The following RAB11FIP3 variants were observed in gnomAD, a reference collection of about 807,000 sequenced individuals.
RAB11FIP3 encodes the protein rab11 family-interacting protein 3.
RAB11FIP3 carries 17 observed loss-of-function variants against 77.8 expected under a neutral mutation model. That is an observed-to-expected ratio of 0.22 (90% confidence interval 0.15 to 0.33). The LOEUF is 0.33. Among genes scored for constraint, RAB11FIP3 ranks in the 10% least tolerant of loss-of-function variants. The pLI is 1.00. For missense variants in RAB11FIP3, 1,005 were observed against 1,011.2 expected (o/e 0.99, Z 0.08); for synonymous variants, 437 against 448.2 (o/e 0.98, Z 0.31).
intron 3 of RAB11FIP3, among the ~76,000 whole-genome samples, chr16:479,797 G>T (rs1483957457): frequency 6.7e-6 from 1 of 150,122 alleles, no homozygotes; most frequent in Non-Finnish European, 1.5e-5. Context: ...TTTTACCTGT[G>T]GTCTCAGCTA....
Position 472,414 on chromosome 16 carries a change from C to T in RAB11FIP3, c.903+1025C>T, listed in dbSNP as rs748778075. On this transcript the variant is annotated intron_variant, in intron 3 of 13. Coordinates refer to ENST00000262305, the MANE Select transcript of RAB11FIP3 (RefSeq NM_014700.4). The surrounding 1 kb of genome is among the most constrained non-coding windows in gnomAD (Gnocchi z 4.1). ...TTGGCCTTGGTGTGCTCTTTCTGCACGTGAGGCAGCAGTGAGGTGCTGGCT... is the reference window on the plus strand; with the variant it reads ...TTGGCCTTGGTGTGCTCTTTCTGCATGTGAGGCAGCAGTGAGGTGCTGGCT... Among the ~76,000 whole-genome samples, 2 of 152,188 alleles carry T rather than the reference C, an allele frequency of 1.3e-5. No individual in the cohort carries two copies. The highest frequency in any genetic ancestry group is 1.5e-5 in the Non-Finnish European group (1 of 68,024).
intron 5 of RAB11FIP3, chr16:491,288 C>T: frequency 7.7e-7 from 1 of 1,300,920 alleles, no homozygotes; most frequent in South Asian, 1.2e-5. Context: ...CAGCGCCTGG[C>T]CTTGCTGTCT....
rs552389992 is a variant in RAB11FIP3, at chr16:498,796, C to T, written c.1301+1937C>T. On this transcript the variant is annotated intron_variant, in intron 6 of 13. Transcript: ENST00000262305. ...TTGGAATTACAGGCAGGAGCCACCG[C>T]GTCCCACTTGTTTTCCATTTTCTGT... Among the ~76,000 whole-genome samples the T allele has an allele frequency of 1.9e-4, 29 of 152,088 alleles. No homozygotes were observed. The South Asian group carries it at 4.4e-3, about 23-fold the overall frequency.
chr16:471,347 C>G lies in RAB11FIP3; in HGVS notation c.861C>G (p.Pro287=). The G allele has an allele frequency of 6.2e-7, 1 of 1,613,966 alleles. No homozygotes were observed. Among genetic ancestry groups the G allele is most frequent in the Non-Finnish European group, 8.5e-7 (1 of 1,179,914 alleles). ...TCGCTTCTGCCCAAGATGAGGAGCC[C>G]CTGGCCTGCCCGGACGAGTTCGATG... is the stretch of plus-strand genomic sequence containing the variant. ...GGVASAQDEE[P]LACPDEFDDF... is the part of the protein sequence containing the mutation. The change falls in exon 3 of 14, where the codon CCC becomes CCG. Residue 287 remains proline, a synonymous_variant. Coordinates refer to ENST00000262305, the MANE Select transcript of RAB11FIP3 (RefSeq NM_014700.4). This position sits in a 1 kb window ranked among gnomAD's most constrained non-coding sequence, Gnocchi z 4.4.
rs1035677280 is a variant in RAB11FIP3 at position 472,241 on chromosome 16, C to T, written c.903+852C>T. 6.6e-6 allele frequency among the ~76,000 whole-genome samples: 1 copy of T among 152,206 alleles called. No individual in the cohort carries two copies. The highest frequency in any genetic ancestry group is 2.4e-5 in the African/African-American group (1 of 41,464). ...CTCAGTTCCCTGTTCCGAGAAGCTG[C>T]CCCAGGGATTAGTCACCCTCACCCT... On this transcript the variant is annotated intron_variant, in intron 3 of 13. Coordinates refer to ENST00000262305, the MANE Select transcript of RAB11FIP3 (RefSeq NM_014700.4). This position sits in a 1 kb window ranked among gnomAD's most constrained non-coding sequence, Gnocchi z 4.1.
In RAB11FIP3 at chr16:505,398, G is replaced by C. The variant is rs968761922; in HGVS notation, c.1396-126G>C. ...ATGGGACAAGTTGGATCCAACACCA[G>C]CCTAGCTAGGTGGATCTGATTCTGT... On this transcript the variant is annotated intron_variant, in intron 7 of 13. Coordinates refer to ENST00000262305, the MANE Select transcript of RAB11FIP3 (RefSeq NM_014700.4). This position sits in a 1 kb window ranked among gnomAD's most constrained non-coding sequence, Gnocchi z 4.0. 2 of 697,256 alleles carry C rather than the reference G, an allele frequency of 2.9e-6. No individual in the cohort carries two copies. Among genetic ancestry groups the C allele is most frequent in the African/African-American group, 1.8e-5 (1 of 55,706 alleles). The allele number at this position is 697,256 out of a possible 1,614,324, so 43.2% of individuals were successfully genotyped here.
At chr16:445,689 G>A (rs2055304348) in intron 1 of RAB11FIP3, among the ~76,000 whole-genome samples, 1 of 151,952 alleles carries the variant, frequency 6.6e-6, no homozygotes, top group Middle Eastern at 3.2e-3. Flanking sequence ...GCTCCACTGT[G>A]GAGAGAAAGG....
chr16:487,565 C>T (rs2056182309), intron 4 of RAB11FIP3, among the ~76,000 whole-genome samples: 1 of 152,190 alleles, frequency 6.6e-6, no homozygotes, highest in Non-Finnish European at 1.5e-5. Context: ...AGCGCGCGGT[C>T]CTCCTGACTC....
intron 1 of RAB11FIP3, among the ~76,000 whole-genome samples, chr16:438,798 T>C (rs958424340): frequency 1.3e-5 from 2 of 151,916 alleles, no homozygotes; most frequent in East Asian, 1.9e-4. Flanking sequence ...CAAGTGATTC[T>C]CCTGTCTTAG....
chr16:508,220 C>T (rs1284640933), intron 8 of RAB11FIP3, among the ~76,000 whole-genome samples: 1 of 152,204 alleles, frequency 6.6e-6, no homozygotes, highest in Non-Finnish European at 1.5e-5. Flanking sequence ...AATGTGAAGA[C>T]CTCTGACCCG....
chr16:510,666 C>T lies in RAB11FIP3; in HGVS notation c.1506C>T (p.Asn502=), dbSNP rs1313273312. The T allele has an allele frequency of 4.4e-6, 7 of 1,604,894 alleles. No homozygotes were observed. The highest frequency in any genetic ancestry group is 1.3e-5 in the African/African-American group (1 of 74,822). Residue 502 remains asparagine, a synonymous_variant, in exon 9 of 14, where the codon AAC becomes AAT. Transcript: ENST00000262305. The part of the protein sequence containing the change: ...QENLQLVHRA[N]ALEEQLKEQE... Reference sequence around the variant, plus strand: ...CCTCCCTTTGCCTTTCAAGAGCAAACGCCCTGGAGGAGCAGCTGAAGGAGC... The same window carrying T: ...CCTCCCTTTGCCTTTCAAGAGCAAATGCCCTGGAGGAGCAGCTGAAGGAGC...
rs1463678286 is a variant in RAB11FIP3, at chr16:461,595, C to G, written c.808+98C>G. 3 of 988,778 alleles carry G rather than the reference C, an allele frequency of 3.0e-6. No individual in the cohort carries two copies. Among genetic ancestry groups the G allele is most frequent in the Non-Finnish European group, 4.7e-6 (3 of 642,086 alleles). The allele number at this position is 988,778 out of a possible 1,614,324, so 61.3% of individuals were successfully genotyped here. On this transcript the variant is annotated intron_variant, in intron 2 of 13. Coordinates refer to ENST00000262305, the MANE Select transcript of RAB11FIP3 (RefSeq NM_014700.4). This position sits in a 1 kb window ranked among gnomAD's most constrained non-coding sequence, Gnocchi z 4.5. ...ACCAGGCTCCTCGTGCTGACTCTAA[C>G]ATCTTTCCTTCTCCTTGAAGCCCCC...
Position 425,769 on chromosome 16 carries a change from C to G in RAB11FIP3, c.-238C>G. The G allele has an allele frequency of 8.9e-6, 3 of 338,618 alleles. No individual in the cohort carries two copies. Among genetic ancestry groups the G allele is most frequent in the Non-Finnish European group, 1.1e-5 (2 of 187,404 alleles). The allele number at this position is 338,618 out of a possible 1,614,324, so 21.0% of individuals were successfully genotyped here. On this transcript the variant is annotated 5_prime_UTR_variant, in exon 1 of 14. Transcript: ENST00000262305. ...ATCCGCCGCCCGGATCCTCGCCGCC[C>G]TCCCTAGGCCGCCCCGCCGCCATGG...
chr16:464,488 C>T (rs1005484498), intron 2 of RAB11FIP3, among the ~76,000 whole-genome samples: 3 of 152,160 alleles, frequency 2.0e-5, no homozygotes, highest in African/African-American at 7.2e-5. Flanking sequence ...CCTCAGGTTA[C>T]TCCTGGGACA....
chr16:493,035 G>C (rs2030730742), intron 5 of RAB11FIP3, among the ~76,000 whole-genome samples: 1 of 152,144 alleles, frequency 6.6e-6, no homozygotes, highest in Non-Finnish European at 1.5e-5. Flanking sequence ...CAGATCACTT[G>C]AGGCCAGGAG....
At chr16:503,369 G>A (rs1178670541) in intron 7 of RAB11FIP3, among the ~76,000 whole-genome samples, 1 of 152,202 alleles carries the variant, frequency 6.6e-6, no homozygotes, top group African/African-American at 2.4e-5. Context: ...GCACCCTCGG[G>A]TATCCCACCC....
intron 3 of RAB11FIP3, among the ~76,000 whole-genome samples, chr16:478,420 T>G (rs921121782): frequency 1.3e-5 from 2 of 152,012 alleles, no homozygotes; most frequent in Non-Finnish European, 2.9e-5. Flanking sequence ...CTCGAACTCC[T>G]GACCTTGTGA....
chr16:502,286 C>T (rs1272478874), intron 6 of RAB11FIP3, among the ~76,000 whole-genome samples: 4 of 152,260 alleles, frequency 2.6e-5, no homozygotes, highest in African/African-American at 9.6e-5. Flanking sequence ...GAAGCTCCTG[C>T]CCCAAGGCCG....
chr16:491,317 A>G, intron 5 of RAB11FIP3: 5 of 1,281,830 alleles, frequency 3.9e-6, no homozygotes, highest in Non-Finnish European at 5.1e-6. Context: ...GGTGTGGGGG[A>G]CTCCGGATAC....
Sources: allele counts gnomAD v4.1 joint callset (sites outside exome capture counted in the v4.1 genomes callset), GRCh38; gene constraint gnomAD v4.1.1; non-coding constraint Gnocchi (gnomAD v3.1); transcripts MANE v1.5; gene names NCBI Gene and HGNC (gene_info 2026-07-23, HGNC 2026-07-21).